Variants in TJP2 observed in about 807,000 individuals in gnomAD.
The protein encoded by TJP2 is tight junction protein 2.
TJP2 carries 91 observed loss-of-function variants against 133.1 expected under a neutral mutation model. The ratio of observed to expected loss-of-function variants is 0.68; its 90% CI spans 0.58 to 0.81. The LOEUF is 0.81. Ranked by LOEUF, TJP2 falls within the 40% of genes least tolerant of loss-of-function variation. The probability of loss-of-function intolerance (pLI) is 0.00; values close to 1 mark genes in which losing one functional copy is unlikely to be tolerated. For missense variants in TJP2, 1,541 were observed against 1,565.6 expected (o/e 0.98, Z 0.26); for synonymous variants, 592 against 583.4 (o/e 1.01, Z -0.21).
rs1403875120 is a variant in TJP2 at position 69,248,260 on chromosome 9, G to A, written c.2880+36G>A. 7.7e-6 allele frequency: 12 copies of A among 1,554,186 alleles called. No homozygotes were observed. The Middle Eastern group carries it at 6.7e-4, about 87-fold the overall frequency. On this transcript the variant is annotated intron_variant, in intron 19 of 22. Coordinates refer to ENST00000377245, the MANE Select transcript of TJP2 (RefSeq NM_004817.4). Reference sequence around the variant, plus strand: ...GCAGGCCACGGGCAGGAACAGGAGAGCCTGGTGTTTTCCTTGCACTCTCGT... The same window carrying A: ...GCAGGCCACGGGCAGGAACAGGAGAACCTGGTGTTTTCCTTGCACTCTCGT...
rs1328326886 is a variant in TJP2 at position 69,126,135 on chromosome 9, C to T, written c.-131+4410C>T. On this transcript the variant is annotated intron_variant, in intron 1 of 5. Transcript: ENST00000423935. ...CCTACCTACTCACTCCCCTTCACCT[C>T]CAGCAGTTATATTGAGATGTAATTC... Among the ~76,000 whole-genome samples, 2 of 76,964 alleles carry T rather than the reference C, an allele frequency of 2.6e-5. 1 individual carries two copies. Among genetic ancestry groups the T allele is most frequent in the African/African-American group, 7.9e-5 (2 of 25,222 alleles). The allele number at this position is 76,964 out of a possible 152,430, so 50.5% of individuals were successfully genotyped here. A position where few individuals can be genotyped will look rare whatever the true frequency, so the allele number is the denominator to read the frequency against.
chr9:69,221,360 G>A lies in TJP2; in HGVS notation c.816G>A (p.Gly272=), dbSNP rs1563926426. Residue 272 remains glycine (G), a synonymous_variant, in exon 5 of 23, where the codon GGG becomes GGA. Coordinates refer to ENST00000377245, the MANE Select transcript of TJP2 (RefSeq NM_004817.4). ...CCTACAGCCCGGAGTACAGGCGCGG[G>A]GCCCGCCACGATGCCCGCTCTCGGG... is the stretch of plus-strand genomic sequence containing the variant. ...ERAYSPEYRR[G]ARHDARSRGP... The A allele has an allele frequency of 7.6e-6, 12 of 1,583,870 alleles. No individual in the cohort carries two copies. The highest frequency in any genetic ancestry group is 1.8e-5 in the Admixed American group (1 of 55,508).
intron 1 of TJP2, among the ~76,000 whole-genome samples, chr9:69,207,090 T>A (rs1428490065): frequency 6.6e-6 from 1 of 152,144 alleles, no homozygotes; most frequent in Non-Finnish European, 1.5e-5. Flanking sequence ...TGTTTTTCAT[T>A]TCCTTGCTTT....
chr9:69,127,838 C>T lies in TJP2; in HGVS notation c.-131+6113C>T, dbSNP rs1402631451. ...CCAGTAATCCCACTCCTTTGGGGGA[C>T]CGAGGTGGGAGGATCACCTGAGTCC... On this transcript the variant is annotated intron_variant, in intron 1 of 5. Transcript: ENST00000423935. Among the ~76,000 whole-genome samples the T allele has an allele frequency of 1.6e-4, 12 of 76,022 alleles. 4 individuals carry two copies. The highest frequency in any genetic ancestry group is 4.8e-4 in the African/African-American group (12 of 24,798). 49.9% of individuals were successfully genotyped at this position (76,022 alleles called of 152,430 possible).
chr9:69,234,641 G>A, intron 12 of TJP2, 94 bp downstream of exon 12: 1 of 963,458 alleles, frequency 1.0e-6, no homozygotes, highest in Non-Finnish European at 1.6e-6. Context: ...GCAAATCTGG[G>A]TATTAAAAAA....
intron 1 of TJP2, among the ~76,000 whole-genome samples, chr9:69,149,923 A>T (rs1289010668): frequency 2.6e-5 from 4 of 152,042 alleles, no homozygotes; most frequent in Non-Finnish European, 5.9e-5. Context: ...GCCAAGGTGG[A>T]TGGATCACTT....
chr9:69,216,324 C>T lies in TJP2; in HGVS notation c.115-15C>T, dbSNP rs1428479891. On this transcript the variant is annotated splice_polypyrimidine_tract_variant and intron_variant, in intron 2 of 22. Transcript: ENST00000377245. Reference sequence around the variant, plus strand: ...TATTGAAGGATTTTTAATATTTCTCCTCTCTGATGTACAGGATTCCAAAAG... The same window carrying T: ...TATTGAAGGATTTTTAATATTTCTCTTCTCTGATGTACAGGATTCCAAAAG... 1.1e-5 allele frequency: 17 copies of T among 1,613,892 alleles called. No homozygotes were observed. The highest frequency in any genetic ancestry group is 1.4e-5 in the Non-Finnish European group (16 of 1,179,994).
At chr9:69,191,716 T>C (rs1331877613) in intron 1 of TJP2, among the ~76,000 whole-genome samples, 1 of 152,192 alleles carries the variant, frequency 6.6e-6, no homozygotes, top group East Asian at 1.9e-4. Context: ...AAACGTTCAA[T>C]GACTGAATGC....
chr9:69,186,645 G>A (rs1354725531), intron 1 of TJP2, among the ~76,000 whole-genome samples: 1 of 152,136 alleles, frequency 6.6e-6, no homozygotes, highest in African/African-American at 2.4e-5. Context: ...GCTTCTTATG[G>A]GCATTGACCT....
intron 1 of TJP2, among the ~76,000 whole-genome samples, chr9:69,181,493 C>T (rs1368553960): frequency 1.3e-5 from 2 of 152,140 alleles, no homozygotes; most frequent in Admixed American, 6.5e-5. Context: ...CGTGATCCGC[C>T]TGCCTTGGCC....
At position 69,221,170 on chromosome 9, in the gene TJP2, A is replaced by T; in HGVS notation, c.626A>T (p.His209Leu). Residue 209 changes from histidine to leucine, a missense_variant, in exon 5 of 23, where the codon CAT (histidine) becomes CTT (leucine). His to Leu is a moderately conservative substitution (Grantham distance 99). Coordinates refer to ENST00000377245, the MANE Select transcript of TJP2 (RefSeq NM_004817.4). ...RSLERGLDQD[H>L]ARTRDRSRGR... ...CTGGAGCGGGGCCTGGACCAAGACC[A>T]TGCGCGCACCCGAGACCGCAGCCGT... 1.3e-6 allele frequency: 2 copies of T among 1,595,294 alleles called. No individual in the cohort carries two copies. The highest frequency in any genetic ancestry group is 1.7e-6 in the Non-Finnish European group (2 of 1,170,282).
intron 1 of TJP2, among the ~76,000 whole-genome samples, chr9:69,136,706 G>A (rs1167425212): frequency 6.6e-6 from 1 of 152,080 alleles, no homozygotes; most frequent in East Asian, 1.9e-4. Flanking sequence ...GGGGTGTCTG[G>A]GAAAAACTCA....
At chr9:69,183,609 T>C (rs1564411795) in intron 1 of TJP2, among the ~76,000 whole-genome samples, 1 of 152,192 alleles carries the variant, frequency 6.6e-6, no homozygotes, top group African/African-American at 2.4e-5. Context: ...TTTTCAGTGT[T>C]TTTGCTATTA....
intron 2 of TJP2, 128 bp downstream of exon 2, chr9:69,212,729 A>C (rs957389327): frequency 1.4e-6 from 1 of 712,654 alleles, no homozygotes. Context: ...TGTATTATAG[A>C]TACTAACTGG....
intron 2 of TJP2, among the ~76,000 whole-genome samples, chr9:69,164,246 T>G (rs1824235063): frequency 6.6e-6 from 1 of 152,282 alleles, no homozygotes; most frequent in Non-Finnish European, 1.5e-5. Context: ...GAATCTAAGA[T>G]ACTCTTCAAC....
At chr9:69,234,806 A>G (rs1417619883) in intron 12 of TJP2, among the ~76,000 whole-genome samples, 1 of 152,192 alleles carries the variant, frequency 6.6e-6, no homozygotes. Flanking sequence ...CTGAACAGTG[A>G]TGCAGCCTTA....
chr9:69,239,089 T>C (rs1257097293), intron 16 of TJP2, among the ~76,000 whole-genome samples: 1 of 152,178 alleles, frequency 6.6e-6, no homozygotes, highest in Non-Finnish European at 1.5e-5. Flanking sequence ...CTCAGGAGGC[T>C]GAGGCAGGAG....
chr9:69,147,555 T>C (rs1200956108), intron 1 of TJP2, among the ~76,000 whole-genome samples: 1 of 152,202 alleles, frequency 6.6e-6, no homozygotes, highest in African/African-American at 2.4e-5. Flanking sequence ...GTTCTTAGTT[T>C]CTGCCTCAGG....
chr9:69,175,761 G>A (rs1447325959), intron 1 of TJP2, among the ~76,000 whole-genome samples: 1 of 152,180 alleles, frequency 6.6e-6, no homozygotes, highest in East Asian at 1.9e-4. Flanking sequence ...CAGAAGCGGA[G>A]GTGCTTTACT....
Sources: gnomAD v4.1 joint callset for allele counts (sites outside exome capture counted in the v4.1 genomes callset) on GRCh38, gnomAD v4.1.1 for gene constraint, MANE v1.5 for transcripts, NCBI Gene and HGNC (gene_info 2026-07-23, HGNC 2026-07-21) for gene names.